VPS13B: variants seen among roughly 807,000 people sequenced by gnomAD.
The protein encoded by VPS13B is vacuolar protein sorting 13 homolog B, also known as intermembrane lipid transfer protein VPS13B.
A neutral mutation model predicts 426.4 loss-of-function variants in VPS13B; 285 were observed. The observed-to-expected ratio is 0.67, with a 90% CI of 0.61 to 0.74. The LOEUF (loss-of-function observed/expected upper bound fraction) is 0.74. VPS13B is among the 30% of genes least tolerant of loss of function. The pLI, the probability that VPS13B is intolerant of heterozygous loss-of-function variation, is 0.00. For synonymous variants in VPS13B, 1,676 were observed against 1,676.4 expected (o/e 1.00, Z 0.01); for missense variants, 4,537 against 4,782.6 (o/e 0.95, Z 1.51).
At chr8:99,220,144 T>G (rs6468674) in intron 17 of VPS13B, among the ~76,000 whole-genome samples, 112,507 of 152,014 alleles carry the variant, frequency 0.74, 42,299 homozygotes, top group South Asian at 0.86. Context: ...TACAGAGAGC[T>G]TAAAGTCATC....
intron 34 of VPS13B, among the ~76,000 whole-genome samples, chr8:99,657,470 T>TGTGTCTGTGTGTGTGTGTGTG (rs60760111): frequency 1.2e-4 from 17 of 146,908 alleles, no homozygotes; most frequent in African/African-American, 4.3e-4. Flanking sequence ...ACTTTAAAAA[T>TGTGTCTGTGTGTGTGTGTGTG]TGTGTGTGTG....
chr8:99,647,618 A>G (rs980227447), intron 34 of VPS13B, among the ~76,000 whole-genome samples: 1 of 152,124 alleles, frequency 6.6e-6, no homozygotes, highest in Non-Finnish European at 1.5e-5. Context: ...AAAAGGTAAA[A>G]TCATAGTTCT....
chr8:99,810,380 G>A (rs1563484804), intron 44 of VPS13B, among the ~76,000 whole-genome samples: 2 of 152,202 alleles, frequency 1.3e-5, no homozygotes, highest in South Asian at 4.1e-4. Flanking sequence ...ACAGCACTTA[G>A]TCCCTGGAAA....
chr8:99,278,217 G>C (rs368015770), intron 19 of VPS13B, among the ~76,000 whole-genome samples: 24 of 152,254 alleles, frequency 1.6e-4, no homozygotes, highest in African/African-American at 5.3e-4. Context: ...AATTGAGGGG[G>C]ATGGGTGGTT....
chr8:99,665,073 G>C (rs1176265391), intron 35 of VPS13B, among the ~76,000 whole-genome samples: 14 of 152,204 alleles, frequency 9.2e-5, no homozygotes, highest in Non-Finnish European at 2.1e-4. Flanking sequence ...GGCCAATGAT[G>C]ATGAGCATTT....
At chr8:99,038,644 G>A in intron 3 of VPS13B, 78 bp downstream of exon 3, 2 of 1,069,268 alleles carry the variant, frequency 1.9e-6, no homozygotes, top group Non-Finnish European at 2.8e-6. Flanking sequence ...TTTCAAATAT[G>A]CCAACTGTTA....
At chr8:99,037,274 A>T (rs1009824080) in intron 2 of VPS13B, among the ~76,000 whole-genome samples, 1 of 152,122 alleles carries the variant, frequency 6.6e-6, no homozygotes, top group Admixed American at 6.5e-5. Flanking sequence ...CTTTAAAAAA[A>T]AACCCTCTGG....
intron 13 of VPS13B, among the ~76,000 whole-genome samples, chr8:99,146,896 G>T (rs1420976538): frequency 6.6e-6 from 1 of 152,062 alleles, no homozygotes; most frequent in African/African-American, 2.4e-5. Context: ...AGATCTATTG[G>T]TGTTATTTAT....
At position 99,037,668 on chromosome 8, in the gene VPS13B, T is replaced by C. The variant is rs76488063; in HGVS notation, c.148-755T>C. On this transcript the variant is annotated intron_variant, in intron 2 of 61. Transcript: ENST00000357162. ...CATTTTTTTCTTCCTCCTTTGTTGA[T>C]TTGTAAACAAATTATATCTAGAAGT... Among the ~76,000 whole-genome samples the C allele has an allele frequency of 8.0e-4, 122 of 152,274 alleles. 2 individuals are homozygous for C. The highest frequency in any genetic ancestry group is 2.6e-3 in the African/African-American group (107 of 41,586).
At chr8:99,220,469 T>G (rs1469866671) in intron 17 of VPS13B, among the ~76,000 whole-genome samples, 1 of 152,214 alleles carries the variant, frequency 6.6e-6, no homozygotes, top group Non-Finnish European at 1.5e-5. Flanking sequence ...GTATGCACAT[T>G]AAACTAGATG....
chr8:99,756,408 G>C (rs1442023727), intron 39 of VPS13B, among the ~76,000 whole-genome samples: 1 of 152,150 alleles, frequency 6.6e-6, no homozygotes, highest in African/African-American at 2.4e-5. Flanking sequence ...GAAGTCCCAG[G>C]AGAGGAGAGA....
rs140077980 is a variant in VPS13B at position 99,276,634 on chromosome 8, G to A, written c.2824+1380G>A. Among the ~76,000 whole-genome samples the A allele has an allele frequency of 4.8e-3, 730 of 152,256 alleles. 2 individuals carry two copies. The highest frequency in any genetic ancestry group is 7.7e-3 in the Non-Finnish European group (524 of 67,982). ...CTTTATTTATAAAAGCAGGAAGTGG[G>A]CCAGATTTGGCCTATGTGGTTTGTC... On this transcript the variant is annotated intron_variant, in intron 19 of 61. Coordinates refer to ENST00000357162, the MANE Select transcript of VPS13B (RefSeq NM_152564.5).
intron 3 of VPS13B, among the ~76,000 whole-genome samples, chr8:99,058,926 A>G (rs1474368492): frequency 6.6e-6 from 1 of 152,222 alleles, no homozygotes; most frequent in Non-Finnish European, 1.5e-5. Flanking sequence ...ATTACTAGTA[A>G]TTAGATCTCA....
At chr8:99,778,026 T>C (rs1725782659) in intron 41 of VPS13B, among the ~76,000 whole-genome samples, 1 of 152,016 alleles carries the variant, frequency 6.6e-6, no homozygotes, top group Non-Finnish European at 1.5e-5. Flanking sequence ...TGTCAGGAGA[T>C]TGAGACCATC....
chr8:99,719,858 C>T (rs903932326), intron 37 of VPS13B, among the ~76,000 whole-genome samples: 8 of 152,100 alleles, frequency 5.3e-5, no homozygotes, highest in African/African-American at 1.9e-4. Flanking sequence ...TGGGAGCCTT[C>T]TAAGTTCAGG....
At chr8:99,665,583 C>T (rs1396717779) in intron 35 of VPS13B, among the ~76,000 whole-genome samples, 1 of 152,136 alleles carries the variant, frequency 6.6e-6, no homozygotes, top group Non-Finnish European at 1.5e-5. Flanking sequence ...GGAATCCTTT[C>T]CCCATTGCTT....
At chr8:99,757,106 A>G (rs1205287582) in intron 39 of VPS13B, among the ~76,000 whole-genome samples, 3 of 152,214 alleles carry the variant, frequency 2.0e-5, no homozygotes, top group Non-Finnish European at 4.4e-5. Flanking sequence ...GCTACTATCA[A>G]AACACCGATG....
intron 31 of VPS13B, among the ~76,000 whole-genome samples, chr8:99,575,000 G>GA (rs1341466921): frequency 1.3e-5 from 2 of 151,838 alleles, no homozygotes; most frequent in Non-Finnish European, 1.5e-5. Context: ...TCTGTCTCTA[G>GA]AAAAAATAAA....
At chr8:99,252,920 C>T (rs1278761327) in intron 17 of VPS13B, among the ~76,000 whole-genome samples, 1 of 152,060 alleles carries the variant, frequency 6.6e-6, no homozygotes, top group Admixed American at 6.5e-5. Flanking sequence ...GTGCAGCTTT[C>T]ACCACTGTCT....
Sources: allele counts gnomAD v4.1 joint callset (sites outside exome capture counted in the v4.1 genomes callset), GRCh38; gene constraint gnomAD v4.1.1; transcripts MANE v1.5; gene names NCBI Gene and HGNC (gene_info 2026-07-23, HGNC 2026-07-21).